Variants in ARSB observed in about 807,000 individuals in gnomAD.
ARSB encodes the protein N-acetylgalactosamine-4-sulfatase.
In ARSB, 41 loss-of-function variants were observed where a neutral mutation model predicts 50.9. That is an observed-to-expected ratio of 0.81 (90% CI 0.63 to 1.04). The LOEUF is 1.04. Among genes scored for constraint, ARSB ranks in the 50% least tolerant of loss-of-function variants. ARSB has a pLI of 0.00. For synonymous variants in ARSB, 269 were observed against 284.8 expected, an observed-to-expected ratio of 0.94 and a Z score of 0.56; for missense variants, 672 against 693.3, an observed-to-expected ratio of 0.97 and a Z score of 0.35.
intron 6 of ARSB, among the ~76,000 whole-genome samples, chr5:78,834,424 C>T (rs182552885): frequency 6.6e-6 from 1 of 151,670 alleles, no homozygotes; most frequent in Admixed American, 6.6e-5. Flanking sequence ...CTCAGGCAAC[C>T]ACCATTCTAT....
chr5:78,945,314 A>G (rs1188776443), intron 4 of ARSB, among the ~76,000 whole-genome samples: 1 of 152,142 alleles, frequency 6.6e-6, no homozygotes, highest in African/African-American at 2.4e-5. Flanking sequence ...ATCCCCAGTG[A>G]GATGAACCCA....
At chr5:78,871,576 T>A (rs990260429) in intron 5 of ARSB, among the ~76,000 whole-genome samples, 1 of 147,820 alleles carries the variant, frequency 6.8e-6, no homozygotes, top group Non-Finnish European at 1.5e-5. Flanking sequence ...AAGGATTCCC[T>A]ATTTAATAAA....
intron 5 of ARSB, among the ~76,000 whole-genome samples, chr5:78,841,132 G>C (rs1385631650): frequency 7.4e-6 from 1 of 134,660 alleles, no homozygotes; most frequent in African/African-American, 2.8e-5. Flanking sequence ...GACCTGGTCT[G>C]TACTACTACT....
At chr5:78,887,214 CA>C (rs141495111) in intron 4 of ARSB, among the ~76,000 whole-genome samples, 2,364 of 152,262 alleles carry the variant, frequency 0.016, 35 homozygotes, top group South Asian at 0.052. Flanking sequence ...GCACTGGCAT[CA>C]GTTGCTGGTG....
In ARSB at chr5:78,841,168, C is replaced by CTACTACTACTACTACTAATAA. The variant is rs368030435; in HGVS notation, c.1143-1743_1143-1742insTTATTAGTAGTAGTAGTAGTA. Among the ~76,000 whole-genome samples the CTACTACTACTACTACTAATAA allele has an allele frequency of 5.2e-3, 688 of 131,992 alleles. 4 individuals carry two copies. Among genetic ancestry groups the CTACTACTACTACTACTAATAA allele is most frequent in the South Asian group, 0.016 (62 of 3,766 alleles). The allele number at this position is 131,992 out of a possible 152,430, so 86.6% of individuals were successfully genotyped here. ...ACTACTACTACTACTACTACTACTA[C>CTACTACTACTACTACTAATAA]TAATAATAATAATAATTTGAGCATG... On this transcript the variant is annotated intron_variant, in intron 5 of 7. Transcript: ENST00000264914.
intron 6 of ARSB, among the ~76,000 whole-genome samples, chr5:78,809,190 G>T (rs566561131): frequency 1.3e-5 from 2 of 152,322 alleles, no homozygotes; most frequent in East Asian, 3.9e-4. Context: ...AGAACACGCT[G>T]AGCGGGCACC....
intron 4 of ARSB, among the ~76,000 whole-genome samples, chr5:78,916,893 AT>A (rs1749573659): frequency 1.3e-5 from 2 of 152,260 alleles, no homozygotes; most frequent in Admixed American, 1.3e-4. Context: ...AGGGAATGAT[AT>A]AGTGGTGAAC....
intron 4 of ARSB, among the ~76,000 whole-genome samples, chr5:78,887,119 AACAGAATACTGAG>A (rs1447747941): frequency 2.0e-5 from 3 of 152,210 alleles, no homozygotes; most frequent in Non-Finnish European, 4.4e-5. Flanking sequence ...GTGTTGCTAT[AACAGAATACTGAG>A]ACTAGGTAAT....
chr5:78,828,246 A>G (rs932161332), intron 6 of ARSB, among the ~76,000 whole-genome samples: 11 of 142,632 alleles, frequency 7.7e-5, no homozygotes, highest in Non-Finnish European at 3.0e-5. Context: ...AAAAATTTTG[A>G]GCTTTTCTGT....
rs569721100 is a variant in ARSB, at chr5:78,964,338, A to G, written c.690+78T>C. 373 of 1,396,736 alleles carry G rather than the reference A, an allele frequency of 2.7e-4. 2 individuals carry two copies. In the African/African-American group the frequency reaches 4.7e-3, roughly 17 times the overall value. The allele number at this position is 1,396,736 out of a possible 1,614,324, so 86.5% of individuals were successfully genotyped here. A position where few individuals can be genotyped will look rare whatever the true frequency, so the allele number is the denominator to read the frequency against. The stretch of plus-strand genomic sequence containing the variant: ...TTATTAGATTTTTCCCTAAACAACA[A>G]TGGCCTTTTCCTACATTTGTCTGAA... On this transcript the variant is annotated intron_variant, in intron 3 of 7. Coordinates refer to ENST00000264914, the MANE Select transcript of ARSB (RefSeq NM_000046.5).
At chr5:78,942,957 G>A (rs1330669308) in intron 4 of ARSB, among the ~76,000 whole-genome samples, 1 of 152,094 alleles carries the variant, frequency 6.6e-6, no homozygotes, top group African/African-American at 2.4e-5. Flanking sequence ...TATGAATCTG[G>A]GTGCTCCTGT....
intron 6 of ARSB, among the ~76,000 whole-genome samples, chr5:78,804,924 T>C (rs1743510722): frequency 6.6e-6 from 1 of 152,216 alleles, no homozygotes; most frequent in African/African-American, 2.4e-5. Flanking sequence ...TCCTTTCATA[T>C]TACACATAGC....
rs35719104 is a variant in ARSB, at chr5:78,878,563, GTT to G, written c.1142+7019_1142+7020del. 3.4e-5 allele frequency among the ~76,000 whole-genome samples: 5 copies of G among 147,408 alleles called. No homozygotes were observed. The South Asian group carries it at 8.5e-4, about 25-fold the overall frequency. On this transcript the variant is annotated intron_variant, in intron 5 of 7. Coordinates refer to ENST00000264914, the MANE Select transcript of ARSB (RefSeq NM_000046.5). Reference sequence around the variant, plus strand: ...TGTGGAATGAAGTATCATTTTATGTGTTTTTTTTTTTTCTTGAAGTATCCATT... The same window carrying G: ...TGTGGAATGAAGTATCATTTTATGTGTTTTTTTTTTCTTGAAGTATCCATT...
At chr5:78,868,822 T>C (rs1746954439) in intron 5 of ARSB, among the ~76,000 whole-genome samples, 1 of 146,270 alleles carries the variant, frequency 6.8e-6, no homozygotes, top group Non-Finnish European at 1.5e-5. Context: ...ATATTAACTT[T>C]AAATGTAAAT....
chr5:78,865,009 G>A (rs1255975032), intron 5 of ARSB, among the ~76,000 whole-genome samples: 1 of 152,204 alleles, frequency 6.6e-6, no homozygotes, highest in Non-Finnish European at 1.5e-5. Context: ...TCATGGGCTG[G>A]CATTGAGTGT....
rs377249991 is a variant in ARSB at position 78,808,806 on chromosome 5, T to C, written c.1214-26832A>G. Among the ~76,000 whole-genome samples the C allele has an allele frequency of 2.1e-3, 316 of 152,328 alleles. 1 individual carries two copies. Among genetic ancestry groups the C allele is most frequent in the African/African-American group, 7.1e-3 (295 of 41,578 alleles). ...GGTGCCCCCACCCTGTTTGCAGTGA[T>C]GCTGGAGGGACACAGGATGGCCCCC... On this transcript the variant is annotated intron_variant, in intron 6 of 7. Coordinates refer to ENST00000264914, the MANE Select transcript of ARSB (RefSeq NM_000046.5).
intron 6 of ARSB, among the ~76,000 whole-genome samples, chr5:78,820,422 G>T (rs1218351212): frequency 1.3e-5 from 2 of 152,110 alleles, no homozygotes; most frequent in Non-Finnish European, 2.9e-5. Context: ...TTAGCTGGGT[G>T]TGGTGGTGGA....
At chr5:78,781,346 T>C (rs1288546497) in intron 7 of ARSB, among the ~76,000 whole-genome samples, 1 of 148,458 alleles carries the variant, frequency 6.7e-6, no homozygotes, top group Non-Finnish European at 1.5e-5. Context: ...TTTTTTTTTT[T>C]TTGGTTAGGA....
intron 4 of ARSB, among the ~76,000 whole-genome samples, chr5:78,910,799 C>G (rs1203699790): frequency 2.0e-5 from 3 of 152,176 alleles, no homozygotes; most frequent in Non-Finnish European, 4.4e-5. Context: ...GTCGAATCAC[C>G]TAGAAGTCTT....
Sources: gnomAD v4.1 joint callset for allele counts (sites outside exome capture counted in the v4.1 genomes callset) on GRCh38, gnomAD v4.1.1 for gene constraint, MANE v1.5 for transcripts, NCBI Gene and HGNC (gene_info 2026-07-23, HGNC 2026-07-21) for gene names.